SPOCK3: variants seen among roughly 807,000 people sequenced by gnomAD.
SPOCK3 encodes SPARC (osteonectin), cwcv and kazal like domains proteoglycan 3.
In SPOCK3, 30 loss-of-function variants were observed where a neutral mutation model predicts 56.6. The ratio of observed to expected loss-of-function variants is 0.53; its 90% CI spans 0.40 to 0.72. SPOCK3 has a LOEUF of 0.72. SPOCK3 is among the 30% of genes least tolerant of loss of function. The pLI is 0.00. For synonymous variants in SPOCK3, 196 were observed against 183.3 expected, an observed-to-expected ratio of 1.07 and a Z score of -0.56; for missense variants, 527 against 530.0, an observed-to-expected ratio of 0.99 and a Z score of 0.06.
chr4:167,221,379 A>C (rs547044725), intron 2 of SPOCK3, among the ~76,000 whole-genome samples: 11 of 152,000 alleles, frequency 7.2e-5, no homozygotes, highest in Non-Finnish European at 1.3e-4. Context: ...TAAAAAATAA[A>C]TAATATAATA....
intron 2 of SPOCK3, among the ~76,000 whole-genome samples, chr4:167,093,543 T>C (rs1346639958): frequency 6.6e-6 from 1 of 152,150 alleles, no homozygotes; most frequent in Non-Finnish European, 1.5e-5. Flanking sequence ...ACATATGGTG[T>C]TTGGTTTTCT....
At chr4:167,222,925 G>T (rs1244431974) in intron 2 of SPOCK3, among the ~76,000 whole-genome samples, 30 of 124,598 alleles carry the variant, frequency 2.4e-4, no homozygotes, top group Non-Finnish European at 4.2e-4. Context: ...GTTTATATAT[G>T]AATATATAAA....
At chr4:167,222,442 G>T (rs1453175702) in intron 2 of SPOCK3, among the ~76,000 whole-genome samples, 2 of 146,570 alleles carry the variant, frequency 1.4e-5, no homozygotes, top group East Asian at 3.9e-4. Flanking sequence ...TTTATGTCGT[G>T]CTTTTTACAA....
chr4:167,105,702 T>TA (rs962912747), intron 2 of SPOCK3, among the ~76,000 whole-genome samples: 32 of 151,564 alleles, frequency 2.1e-4, no homozygotes, highest in African/African-American at 6.3e-4. Flanking sequence ...CTGAATGGAT[T>TA]AAAAAAATTA....
intron 2 of SPOCK3, among the ~76,000 whole-genome samples, chr4:167,075,786 T>G (rs1757127345): frequency 6.6e-6 from 1 of 151,982 alleles, no homozygotes; most frequent in African/African-American, 2.4e-5. Context: ...GGACTACAAG[T>G]GCACACCACC....
At chr4:166,981,867 T>C (rs1406404707) in intron 4 of SPOCK3, among the ~76,000 whole-genome samples, 3 of 152,044 alleles carry the variant, frequency 2.0e-5, no homozygotes, top group African/African-American at 7.2e-5. Context: ...CAAACTCTGG[T>C]GGGGACTGAG....
chr4:167,085,818 T>A (rs1580246131), intron 2 of SPOCK3, among the ~76,000 whole-genome samples: 1 of 152,126 alleles, frequency 6.6e-6, no homozygotes, highest in East Asian at 1.9e-4. Context: ...AGAAGTAATA[T>A]ATATTTGTAT....
intron 2 of SPOCK3, among the ~76,000 whole-genome samples, chr4:167,186,829 T>C (rs187828733): frequency 6.6e-6 from 1 of 151,274 alleles, no homozygotes; most frequent in Non-Finnish European, 1.5e-5. Flanking sequence ...ATACAAAAAT[T>C]AGCTGGGCGT....
At chr4:166,774,242 G>A (rs973183389) in intron 7 of SPOCK3, among the ~76,000 whole-genome samples, 1 of 151,958 alleles carries the variant, frequency 6.6e-6, no homozygotes, top group Non-Finnish European at 1.5e-5. Flanking sequence ...CAGTTTTTAC[G>A]TGGATGAATG....
chr4:166,922,078 G>C (rs184484922), intron 4 of SPOCK3, among the ~76,000 whole-genome samples: 33 of 152,238 alleles, frequency 2.2e-4, no homozygotes, highest in African/African-American at 7.5e-4. Context: ...ACCCTATTGT[G>C]AACGGCGGAC....
intron 2 of SPOCK3, among the ~76,000 whole-genome samples, chr4:167,087,115 A>G (rs574579888): frequency 7.7e-4 from 118 of 152,262 alleles, no homozygotes; most frequent in African/African-American, 2.7e-3. Flanking sequence ...TTTCTTAGAT[A>G]ATGCTTACTC....
At chr4:166,993,372 TC>T (rs1346201300) in intron 4 of SPOCK3, among the ~76,000 whole-genome samples, 1 of 152,176 alleles carries the variant, frequency 6.6e-6, no homozygotes, top group Admixed American at 6.6e-5. Context: ...GATCGTCTTC[TC>T]TGGTCATGGG....
chr4:167,034,527 C>G (rs567726905), intron 3 of SPOCK3, among the ~76,000 whole-genome samples: 1 of 152,156 alleles, frequency 6.6e-6, no homozygotes, highest in Non-Finnish European at 1.5e-5. Flanking sequence ...CAAAATGAAA[C>G]CTACCTTGGC....
intron 5 of SPOCK3, among the ~76,000 whole-genome samples, chr4:166,902,525 C>G (rs532172251): frequency 6.6e-6 from 1 of 151,802 alleles, no homozygotes; most frequent in East Asian, 1.9e-4. Flanking sequence ...ACTCTATAGT[C>G]TATATATTCT....
intron 2 of SPOCK3, among the ~76,000 whole-genome samples, chr4:167,196,913 T>C (rs911288488): frequency 1.3e-5 from 2 of 152,166 alleles, no homozygotes; most frequent in African/African-American, 2.4e-5. Context: ...ATTATCATAG[T>C]ATATATGATT....
At chr4:166,944,339 A>G (rs1741467107) in intron 4 of SPOCK3, among the ~76,000 whole-genome samples, 1 of 152,128 alleles carries the variant, frequency 6.6e-6, no homozygotes, top group Non-Finnish European at 1.5e-5. Flanking sequence ...TCTCCTCCAT[A>G]ACAACAATGC....
At chr4:166,852,045 G>C (rs1007759882) in intron 6 of SPOCK3, among the ~76,000 whole-genome samples, 25 of 149,230 alleles carry the variant, frequency 1.7e-4, no homozygotes, top group African/African-American at 5.7e-4. Context: ...ACTATCGCAA[G>C]AACAAAAAAC....
intron 6 of SPOCK3, among the ~76,000 whole-genome samples, chr4:166,845,526 T>A (rs1340022994): frequency 6.6e-6 from 1 of 152,210 alleles, no homozygotes; most frequent in Non-Finnish European, 1.5e-5. Flanking sequence ...ACTGTTTAAG[T>A]GATTGAAGGA....
intron 7 of SPOCK3, among the ~76,000 whole-genome samples, chr4:166,767,721 T>G (rs1015834915): frequency 3.3e-5 from 5 of 152,194 alleles, no homozygotes; most frequent in Non-Finnish European, 7.3e-5. Context: ...GGTGCAGAGT[T>G]GAGTTCAATT....
Sources: gnomAD v4.1 joint callset for allele counts (sites outside exome capture counted in the v4.1 genomes callset) on GRCh38, gnomAD v4.1.1 for gene constraint, MANE v1.5 for transcripts, NCBI Gene and HGNC (gene_info 2026-07-23, HGNC 2026-07-21) for gene names.